SDK1: variants seen among roughly 807,000 people sequenced by gnomAD.
SDK1 encodes sidekick cell adhesion molecule 1, also known as protein sidekick-1.
Under a neutral mutation model 245.5 loss-of-function variants are expected in SDK1, and 157 were observed. The ratio of observed to expected loss-of-function variants is 0.64; its 90% confidence interval spans 0.56 to 0.73. The LOEUF is 0.73. Ranked by LOEUF, SDK1 falls within the 30% of genes least tolerant of loss-of-function variation. The pLI, the probability that SDK1 is intolerant of heterozygous loss-of-function variation, is 0.00. For missense variants in SDK1, 3,583 were observed against 3,002.3 expected, an observed-to-expected ratio of 1.19 and a Z score of -4.52; for synonymous variants, 1,647 against 1,278.5, an observed-to-expected ratio of 1.29 and a Z score of -6.15.
chr7:3,767,883 C>G (rs966337074), intron 4 of SDK1, among the ~76,000 whole-genome samples: 1 of 152,184 alleles, frequency 6.6e-6, no homozygotes, highest in Middle Eastern at 3.2e-3. Flanking sequence ...ATGACTGTCT[C>G]CCAAAGCAAG....
At chr7:3,664,647 C>A (rs1430343201) in intron 4 of SDK1, among the ~76,000 whole-genome samples, 2 of 149,766 alleles carry the variant, frequency 1.3e-5, no homozygotes, top group Admixed American at 6.7e-5. Context: ...GGCTGAGGCA[C>A]AAGAATCGCT....
intron 5 of SDK1, among the ~76,000 whole-genome samples, chr7:3,944,900 G>A (rs1229986371): frequency 6.6e-6 from 1 of 152,212 alleles, no homozygotes; most frequent in African/African-American, 2.4e-5. Context: ...GGGCAGACTT[G>A]GTCATGGAGG....
intron 5 of SDK1, among the ~76,000 whole-genome samples, chr7:3,829,025 G>A (rs1025052217): frequency 6.6e-6 from 1 of 152,100 alleles, no homozygotes; most frequent in African/African-American, 2.4e-5. Flanking sequence ...TTTGAATCAT[G>A]TGTTTTTTAA....
At chr7:3,979,379 C>T (rs114345029) in intron 13 of SDK1, among the ~76,000 whole-genome samples, 192 of 152,310 alleles carry the variant, frequency 1.3e-3, no homozygotes, top group African/African-American at 4.5e-3. Flanking sequence ...TGGGAACTTT[C>T]TAGCCCTTTA....
chr7:3,600,385 G>C (rs996880283), intron 1 of SDK1, among the ~76,000 whole-genome samples: 1 of 151,968 alleles, frequency 6.6e-6, no homozygotes, highest in Non-Finnish European at 1.5e-5. Flanking sequence ...AACAATTTTA[G>C]TTCTTTCCTT....
intron 1 of SDK1, among the ~76,000 whole-genome samples, chr7:3,456,371 G>A (rs913138715): frequency 1.3e-5 from 2 of 152,068 alleles, no homozygotes; most frequent in Non-Finnish European, 2.9e-5. Flanking sequence ...TTTTGCTTTT[G>A]TATTACAGGC....
Position 3,754,473 on chromosome 7 carries a change from A to G in SDK1, c.714-66977A>G, listed in dbSNP as rs73032362. ...TTATTGTGAGGTGAAATCTTTTATC[A>G]GCCTTTGGAGATATTCTATCAAGGT... On this transcript the variant is annotated intron_variant, in intron 4 of 44. Transcript: ENST00000404826. Among the ~76,000 whole-genome samples the G allele has an allele frequency of 1.9e-3, 288 of 152,334 alleles. 2 individuals are homozygous for G. The highest frequency in any genetic ancestry group is 3.1e-3 in the Non-Finnish European group (213 of 68,044).
At chr7:4,165,069 G>GT (rs1217705186) in intron 32 of SDK1, among the ~76,000 whole-genome samples, 8 of 151,828 alleles carry the variant, frequency 5.3e-5, no homozygotes, top group South Asian at 2.1e-4. Context: ...GTTTTGTTTT[G>GT]TTTTTTTAGT....
chr7:3,672,426 G>A (rs1432481947), intron 4 of SDK1, among the ~76,000 whole-genome samples: 1 of 151,004 alleles, frequency 6.6e-6, no homozygotes, highest in Admixed American at 6.6e-5. Context: ...TACTTCTACT[G>A]CAAACTCTTG....
At chr7:4,115,426 C>T (rs548711398) in intron 25 of SDK1, among the ~76,000 whole-genome samples, 16 of 152,216 alleles carry the variant, frequency 1.1e-4, no homozygotes, top group Admixed American at 5.9e-4. Flanking sequence ...AAGACTCCCC[C>T]ACTCCTTCCC....
intron 4 of SDK1, among the ~76,000 whole-genome samples, chr7:3,670,474 G>A (rs1783663347): frequency 6.6e-6 from 1 of 152,106 alleles, no homozygotes; most frequent in African/African-American, 2.4e-5. Context: ...TTTTATTAAT[G>A]GACAAGTTCT....
At chr7:3,716,496 A>G (rs1785205577) in intron 4 of SDK1, among the ~76,000 whole-genome samples, 1 of 152,192 alleles carries the variant, frequency 6.6e-6, no homozygotes, top group African/African-American at 2.4e-5. Context: ...GTAATATCAG[A>G]CCTGTAATCC....
chr7:3,606,908 C>G (rs960565889), intron 1 of SDK1, among the ~76,000 whole-genome samples: 2 of 151,616 alleles, frequency 1.3e-5, no homozygotes, highest in Admixed American at 6.6e-5. Context: ...TTATGTACAA[C>G]ACTGAAAAAA....
chr7:3,898,588 C>T (rs572030755), intron 5 of SDK1, among the ~76,000 whole-genome samples: 7 of 152,246 alleles, frequency 4.6e-5, no homozygotes, highest in Middle Eastern at 3.4e-3. Flanking sequence ...TTGTGTTTTA[C>T]ATCCTGTTGT....
At chr7:3,349,235 C>G (rs1405715919) in intron 1 of SDK1, among the ~76,000 whole-genome samples, 3 of 152,102 alleles carry the variant, frequency 2.0e-5, no homozygotes, top group African/African-American at 7.2e-5. Context: ...ACACAACAGC[C>G]TATTTAGATG....
chr7:4,095,771 G>A (rs1230691519), intron 22 of SDK1, among the ~76,000 whole-genome samples: 2 of 152,088 alleles, frequency 1.3e-5, no homozygotes, highest in African/African-American at 2.4e-5. Context: ...ATGGGGTTTC[G>A]CCGTGTGGGC....
intron 37 of SDK1, 61 bp from the exon 38 acceptor site, chr7:4,209,964 T>G: frequency 1.5e-6 from 2 of 1,353,102 alleles, no homozygotes; most frequent in Non-Finnish European, 2.0e-6. Flanking sequence ...GGCACAGACA[T>G]GTATGTATAT....
intron 1 of SDK1, among the ~76,000 whole-genome samples, chr7:3,307,556 T>C (rs926689269): frequency 3.3e-5 from 5 of 152,194 alleles, no homozygotes; most frequent in Non-Finnish European, 7.4e-5. Flanking sequence ...AACCCTTGTT[T>C]ATGTATGTGC....
At chr7:3,303,425 T>C (rs1029349192) in intron 1 of SDK1, among the ~76,000 whole-genome samples, 3 of 152,176 alleles carry the variant, frequency 2.0e-5, no homozygotes, top group African/African-American at 7.2e-5. Flanking sequence ...GGGGAAAAAA[T>C]CTGCCAGTGG....
Sources: gnomAD v4.1 joint callset for allele counts (sites outside exome capture counted in the v4.1 genomes callset) on GRCh38, gnomAD v4.1.1 for gene constraint, MANE v1.5 for transcripts, NCBI Gene and HGNC (gene_info 2026-07-23, HGNC 2026-07-21) for gene names.